The following KCTD16 variants were observed in gnomAD, a reference collection of about 807,000 sequenced individuals.
The protein encoded by KCTD16 is BTB/POZ domain-containing protein KCTD16.
In KCTD16, 13 loss-of-function variants were observed where a neutral mutation model predicts 33.2. The ratio of observed to expected loss-of-function variants is 0.39; its 90% CI spans 0.25 to 0.62. The LOEUF is 0.62. KCTD16 is among the 20% of genes least tolerant of loss of function. The pLI, the probability that KCTD16 is intolerant of heterozygous loss-of-function variation, is 0.50. For synonymous variants in KCTD16, 197 were observed against 195.3 expected, an observed-to-expected ratio of 1.01 and a Z score of -0.07; for missense variants, 441 against 525.1, an observed-to-expected ratio of 0.84 and a Z score of 1.57.
intron 3 of KCTD16, among the ~76,000 whole-genome samples, chr5:144,302,005 C>T (rs1054323270): frequency 5.3e-5 from 8 of 151,990 alleles, no homozygotes; most frequent in Non-Finnish European, 7.4e-5. Flanking sequence ...TTAAATTTTA[C>T]GCAAAATTAA....
chr5:144,201,067 C>T (rs1753035746), intron 2 of KCTD16, among the ~76,000 whole-genome samples: 2 of 152,090 alleles, frequency 1.3e-5, no homozygotes, highest in Non-Finnish European at 2.9e-5. Context: ...AAATTTTTTC[C>T]CCCATTGGTA....
chr5:144,330,759 C>A (rs910707268), intron 3 of KCTD16, among the ~76,000 whole-genome samples: 1 of 152,144 alleles, frequency 6.6e-6, no homozygotes, highest in Admixed American at 6.5e-5. Context: ...GTAATTGAAG[C>A]TCACATCCAA....
chr5:144,278,063 G>C (rs1410563847), intron 3 of KCTD16, among the ~76,000 whole-genome samples: 1 of 152,122 alleles, frequency 6.6e-6, no homozygotes, highest in Admixed American at 6.5e-5. Context: ...TTTATGGGCT[G>C]TGCTTTTGGT....
At chr5:144,344,760 C>G (rs999455346) in intron 3 of KCTD16, among the ~76,000 whole-genome samples, 1 of 150,254 alleles carries the variant, frequency 6.7e-6, no homozygotes, top group African/African-American at 2.4e-5. Flanking sequence ...GTTGGTGGGA[C>G]TGTAAACTAG....
At chr5:144,215,772 A>AC in intron 3 of KCTD16, among the ~76,000 whole-genome samples, 1 of 152,384 alleles carries the variant, frequency 6.6e-6, no homozygotes, top group South Asian at 2.1e-4. Context: ...TGGATAAGAC[A>AC]TAAGTGCTTC....
chr5:144,248,778 A>ATG (rs1754618366), intron 3 of KCTD16, among the ~76,000 whole-genome samples: 1 of 152,188 alleles, frequency 6.6e-6, no homozygotes, highest in Non-Finnish European at 1.5e-5. Flanking sequence ...GAAGCCTATC[A>ATG]TGACTATTTC....
intron 3 of KCTD16, among the ~76,000 whole-genome samples, chr5:144,422,470 C>T (rs919196194): frequency 6.6e-6 from 1 of 152,174 alleles, no homozygotes; most frequent in African/African-American, 2.4e-5. Flanking sequence ...GTACTGAAAA[C>T]TTTCAGCAAG....
chr5:144,267,308 T>C (rs114055247), intron 3 of KCTD16, among the ~76,000 whole-genome samples: 131 of 152,302 alleles, frequency 8.6e-4, no homozygotes, highest in African/African-American at 3.1e-3. Context: ...TCCTTGCTTA[T>C]TAACTGTGGA....
At chr5:144,202,809 C>T (rs1753074407) in intron 2 of KCTD16, among the ~76,000 whole-genome samples, 1 of 152,150 alleles carries the variant, frequency 6.6e-6, no homozygotes, top group Non-Finnish European at 1.5e-5. Context: ...GTGGTATGAT[C>T]AAATCATGGG....
intron 3 of KCTD16, among the ~76,000 whole-genome samples, chr5:144,327,392 C>T (rs1752237593): frequency 6.6e-6 from 1 of 152,120 alleles, no homozygotes; most frequent in Non-Finnish European, 1.5e-5. Flanking sequence ...CTGTCTTCAA[C>T]TATTACCTTT....
chr5:144,323,546 A>G (rs10067838), intron 3 of KCTD16, among the ~76,000 whole-genome samples: 8,750 of 152,262 alleles, frequency 0.057, 840 homozygotes, highest in African/African-American at 0.19. Context: ...GTCAGGCATG[A>G]AAGGAGTCCT....
intron 3 of KCTD16, among the ~76,000 whole-genome samples, chr5:144,275,703 G>A (rs1755421605): frequency 6.6e-6 from 1 of 152,190 alleles, no homozygotes; most frequent in Non-Finnish European, 1.5e-5. Context: ...TGGGAACACT[G>A]AACGGCGAGG....
chr5:144,322,011 A>G (rs965251280), intron 3 of KCTD16, among the ~76,000 whole-genome samples: 7 of 152,310 alleles, frequency 4.6e-5, no homozygotes, highest in Non-Finnish European at 7.4e-5. Context: ...ATAAATCAAA[A>G]TAAAGTATTT....
intron 3 of KCTD16, among the ~76,000 whole-genome samples, chr5:144,231,621 C>G (rs1754105531): frequency 6.6e-6 from 1 of 152,106 alleles, no homozygotes; most frequent in African/African-American, 2.4e-5. Context: ...CCCCATGTAT[C>G]AGGGGCGGGA....
intron 3 of KCTD16, among the ~76,000 whole-genome samples, chr5:144,325,820 T>C (rs1298679622): frequency 1.3e-5 from 2 of 152,084 alleles, no homozygotes; most frequent in African/African-American, 4.8e-5. Context: ...GATTGTGAAC[T>C]TAGGAACTGC....
At chr5:144,215,891 TAAG>T (rs1044021952) in intron 3 of KCTD16, among the ~76,000 whole-genome samples, 1 of 152,238 alleles carries the variant, frequency 6.6e-6, no homozygotes, top group Non-Finnish European at 1.5e-5. Flanking sequence ...AGTCACTTTA[TAAG>T]AAGAAGTTTT....
chr5:144,414,431 G>T (rs1475966777), intron 3 of KCTD16, among the ~76,000 whole-genome samples: 2 of 152,192 alleles, frequency 1.3e-5, no homozygotes, highest in African/African-American at 2.4e-5. Context: ...CAGTGGGAAA[G>T]ATGGAACCAC....
chr5:144,234,239 C>T (rs1754184850), intron 3 of KCTD16, among the ~76,000 whole-genome samples: 1 of 152,096 alleles, frequency 6.6e-6, no homozygotes, highest in Admixed American at 6.6e-5. Flanking sequence ...GTTCAAACCT[C>T]CCTATTTGGA....
At chr5:144,451,498 C>T (rs1011214781) in intron 3 of KCTD16, among the ~76,000 whole-genome samples, 4 of 152,104 alleles carry the variant, frequency 2.6e-5, no homozygotes, top group Non-Finnish European at 4.4e-5. Flanking sequence ...TTAAAAATGA[C>T]AAGCCAGTGT....
Sources: allele counts gnomAD v4.1 joint callset (sites outside exome capture counted in the v4.1 genomes callset), GRCh38; gene constraint gnomAD v4.1.1; transcripts MANE v1.5; gene names NCBI Gene and HGNC (gene_info 2026-07-23, HGNC 2026-07-21).